Variants in KPNA5 observed in about 807,000 individuals in gnomAD.
KPNA5 encodes karyopherin subunit alpha 5.
A neutral mutation model predicts 71.3 loss-of-function variants in KPNA5; 46 were observed. The ratio of observed to expected loss-of-function variants is 0.65; its 90% confidence interval spans 0.51 to 0.83. KPNA5 has a LOEUF of 0.83. Ranked by LOEUF, KPNA5 falls within the 40% of genes least tolerant of loss-of-function variation. KPNA5 has a pLI of 0.00. For missense variants in KPNA5, 547 were observed against 628.3 expected (o/e 0.87, Z 1.38); for synonymous variants, 207 against 201.4 (o/e 1.03, Z -0.24).
At chr6:116,726,459 G>T (rs1231024428) in intron 11 of KPNA5, 36 bp from the exon 12 acceptor site, 1 of 1,573,192 alleles carries the variant, frequency 6.4e-7, no homozygotes, top group Non-Finnish European at 8.7e-7. Flanking sequence ...TTTAGAAACA[G>T]TATTTGTACT....
intron 1 of KPNA5, among the ~76,000 whole-genome samples, chr6:116,687,319 A>G (rs1777629358): frequency 6.6e-6 from 1 of 152,138 alleles, no homozygotes; most frequent in African/African-American, 2.4e-5. Context: ...TACATGCTGT[A>G]TGAATCCACT....
chr6:116,693,869 G>T (rs1165379), intron 4 of KPNA5, among the ~76,000 whole-genome samples: 9,020 of 151,628 alleles, frequency 0.059, 221 homozygotes, highest in Admixed American at 0.15. Context: ...TATGGTTTTA[G>T]GTCTAACATG....
chr6:116,685,488 C>T (rs917033156), intron 1 of KPNA5, among the ~76,000 whole-genome samples: 2 of 152,142 alleles, frequency 1.3e-5, no homozygotes, highest in East Asian at 1.9e-4. Flanking sequence ...TTCTTTGTGT[C>T]CATGTGTTCT....
chr6:116,692,305 A>G lies in KPNA5; in HGVS notation c.253A>G (p.Thr85Ala), dbSNP rs1777833530. ...GTGTGTGTTTTAGGAAGAAGTTGTT[A>G]CTACAGATATGGTTCAGATGATTTT... is the stretch of plus-strand genomic sequence containing the variant. ...TVPIPEEEVV[T>A]TDMVQMIFSN... Residue 85 changes from threonine (T) to alanine (A), a missense_variant, in exon 4 of 14, where the codon ACT becomes GCT. Coordinates refer to ENST00000368564, the MANE Select transcript of KPNA5 (RefSeq NM_001366306.2). 1 of 1,590,982 alleles carries G rather than the reference A, an allele frequency of 6.3e-7. No individual in the cohort carries two copies. Among genetic ancestry groups the G allele is most frequent in the Non-Finnish European group, 8.6e-7 (1 of 1,168,094 alleles).
chr6:116,723,203 TATAGA>T (rs1308855030), intron 9 of KPNA5, among the ~76,000 whole-genome samples: 6 of 152,246 alleles, frequency 3.9e-5, no homozygotes, highest in African/African-American at 1.4e-4. Context: ...GAGATAAAAA[TATAGA>T]AGAGGAGAAA....
chr6:116,688,836 A>G (rs1777688221), intron 1 of KPNA5, among the ~76,000 whole-genome samples: 1 of 152,188 alleles, frequency 6.6e-6, no homozygotes. Context: ...GAAAGAAGCC[A>G]GACCCCAATA....
chr6:116,692,421 G>T, intron 4 of KPNA5, 29 bp downstream of exon 4: 5 of 1,339,962 alleles, frequency 3.7e-6, no homozygotes, highest in South Asian at 2.6e-5. Context: ...ATGCTTATTT[G>T]ATATTACACG....
chr6:116,738,183 C>G lies in KPNA5; in HGVS notation c.*5860C>G, dbSNP rs113017963. 205 of 152,158 alleles carry G rather than the reference C, an allele frequency of 1.3e-3. 1 individual carries two copies. The highest frequency in any genetic ancestry group is 4.4e-3 in the African/African-American group (182 of 41,534). The allele number at this position is 152,158 out of a possible 1,614,324, so 9.4% of individuals were successfully genotyped here. A position where few individuals can be genotyped will look rare whatever the true frequency, so the allele number is the denominator to read the frequency against. The stretch of plus-strand genomic sequence containing the variant: ...ATAAAGGGGATATCACCACCGATCC[C>G]ACAGAAATACAAACTACCATCAGAG... On this transcript the variant is annotated 3_prime_UTR_variant, in exon 14 of 14. Coordinates refer to ENST00000368564, the MANE Select transcript of KPNA5 (RefSeq NM_001366306.2).
At chr6:116,716,673 T>C (rs1778900195) in intron 8 of KPNA5, among the ~76,000 whole-genome samples, 1 of 152,226 alleles carries the variant, frequency 6.6e-6, no homozygotes, top group South Asian at 2.1e-4. Context: ...ATTGTAACTT[T>C]TATCTCTTAG....
At position 116,724,431 on chromosome 6, in the gene KPNA5, A is replaced by G. The variant is rs1267175118; in HGVS notation, c.999+56A>G. 7.6e-6 allele frequency: 9 copies of G among 1,180,596 alleles called. No individual in the cohort carries two copies. The African/African-American group carries it at 1.2e-4, about 16-fold the overall frequency. 73.1% of individuals were successfully genotyped at this position (1,180,596 alleles called of 1,614,324 possible). ...TAACATAAAGGACTTTAAAAAATTT[A>G]TGTTTCATACAACTTGATTACATAT... is the stretch of plus-strand genomic sequence containing the variant. On this transcript the variant is annotated intron_variant, in intron 10 of 13. Transcript: ENST00000368564.
chr6:116,718,663 T>C (rs1778992419), intron 8 of KPNA5, among the ~76,000 whole-genome samples: 1 of 152,194 alleles, frequency 6.6e-6, no homozygotes, highest in Admixed American at 6.5e-5. Flanking sequence ...ACTTATGAAA[T>C]AATATCACAT....
At chr6:116,686,006 G>A (rs1777570799) in intron 1 of KPNA5, among the ~76,000 whole-genome samples, 3 of 152,132 alleles carry the variant, frequency 2.0e-5, no homozygotes, top group Admixed American at 6.6e-5. Flanking sequence ...TTGGGCTTAA[G>A]TGATTCTTCC....
chr6:116,729,722 T>C lies in KPNA5; in HGVS notation c.1413T>C (p.Ala471=). 6.4e-7 allele frequency: 1 copy of C among 1,557,272 alleles called. No individual in the cohort carries two copies. Among genetic ancestry groups the C allele is most frequent in the Non-Finnish European group, 8.7e-7 (1 of 1,150,248 alleles). Residue 471 remains alanine (A), a synonymous_variant, in exon 13 of 14, where the codon GCT becomes GCC. Transcript: ENST00000368564. ...QNGIGINPYC[A]LIEEAYGLDK... is the part of the protein sequence containing the mutation. ...GAATAGGCATTAATCCATACTGTGC[T>C]CTCATTGAAGAAGCATATGGTAAGC... is the stretch of plus-strand genomic sequence containing the variant.
At chr6:116,707,803 A>T (rs1778504910) in intron 7 of KPNA5, among the ~76,000 whole-genome samples, 1 of 152,246 alleles carries the variant, frequency 6.6e-6, no homozygotes, top group Admixed American at 6.5e-5. Flanking sequence ...TTTAAAGTAT[A>T]CAATTTAGTG....
intron 9 of KPNA5, among the ~76,000 whole-genome samples, chr6:116,723,744 C>G (rs571208796): frequency 1.1e-4 from 17 of 152,166 alleles, no homozygotes; most frequent in African/African-American, 4.1e-4. Flanking sequence ...AGATAATAAG[C>G]ATCAAGAGAT....
Position 116,692,374 on chromosome 6 carries a change from A to G in KPNA5, c.322A>G (p.Arg108Gly), listed in dbSNP as rs1777836754. The change falls in exon 4 of 14, where the codon AGA (arginine) becomes GGA (glycine). Residue 108 changes from arginine to glycine, a missense_variant. By Grantham distance (125) the Arg-to-Gly change is moderately radical. Transcript: ENST00000368564. Reference sequence around the variant, plus strand: ...ACAGCTAACAGCAACACAGAAATTTAGAAAGCTGCTTTCTAAAGGCAAGAA... The same window carrying G: ...ACAGCTAACAGCAACACAGAAATTTGGAAAGCTGCTTTCTAAAGGCAAGAA... ...DQQLTATQKF[R>G]KLLSKEPNPP... 3 of 1,600,686 alleles carry G rather than the reference A, an allele frequency of 1.9e-6. No individual in the cohort carries two copies. In the South Asian group the frequency reaches 3.4e-5, roughly 18 times the overall value.
chr6:116,714,709 T>G (rs1281378228), intron 7 of KPNA5, among the ~76,000 whole-genome samples: 1 of 152,190 alleles, frequency 6.6e-6, no homozygotes, highest in East Asian at 1.9e-4. Context: ...AACATCTCAT[T>G]CATTTGCCTT....
intron 2 of KPNA5, among the ~76,000 whole-genome samples, chr6:116,690,322 G>T (rs967143088): frequency 6.6e-6 from 1 of 152,160 alleles, no homozygotes; most frequent in Non-Finnish European, 1.5e-5. Context: ...TAAAAAAATT[G>T]TGTTGAATAA....
At chr6:116,721,509 A>T (rs1028554922) in intron 8 of KPNA5, among the ~76,000 whole-genome samples, 4 of 152,034 alleles carry the variant, frequency 2.6e-5, no homozygotes, top group African/African-American at 7.2e-5. Flanking sequence ...TGCTTATTTT[A>T]AAAAAACAGC....
Sources: allele counts gnomAD v4.1 joint callset (sites outside exome capture counted in the v4.1 genomes callset), GRCh38; gene constraint gnomAD v4.1.1; transcripts MANE v1.5; gene names NCBI Gene and HGNC (gene_info 2026-07-23, HGNC 2026-07-21).